ANKFN1: variants seen among roughly 807,000 people sequenced by gnomAD.
The protein encoded by ANKFN1 is ankyrin repeat and fibronectin type III domain containing 1, also known as ankyrin repeat and fibronectin type-III domain-containing protein 1.
Under a neutral mutation model 108.7 loss-of-function variants are expected in ANKFN1, and 74 were observed. That is an observed-to-expected ratio of 0.68 (90% confidence interval 0.56 to 0.83). The LOEUF is 0.83. Among genes scored for constraint, ANKFN1 ranks in the 40% least tolerant of loss-of-function variants. The pLI is 0.00. For synonymous variants in ANKFN1, 547 were observed against 516.2 expected (o/e 1.06, Z -0.81); for missense variants, 1,505 against 1,382.3 (o/e 1.09, Z -1.41).
At chr17:56,114,943 C>T (rs1906174115) in intron 4 of ANKFN1, among the ~76,000 whole-genome samples, 1 of 152,222 alleles carries the variant, frequency 6.6e-6, no homozygotes, top group South Asian at 2.1e-4. Flanking sequence ...AGAGTATGCA[C>T]AGCCCCCGGA....
intron 2 of ANKFN1, among the ~76,000 whole-genome samples, chr17:56,223,622 G>T (rs1916044451): frequency 6.6e-6 from 1 of 152,076 alleles, no homozygotes; most frequent in Non-Finnish European, 1.5e-5. Context: ...AAAAGCAACT[G>T]TGAGAAAAAT....
chr17:56,345,987 G>A (rs185799881), intron 4 of ANKFN1, among the ~76,000 whole-genome samples: 70 of 152,212 alleles, frequency 4.6e-4, no homozygotes, highest in Middle Eastern at 3.4e-3. Context: ...GAATGGTATT[G>A]CCTAGGTTTT....
Position 56,157,139 on chromosome 17 carries a change from G to C in ANKFN1, c.-71+3609G>C, listed in dbSNP as rs147237237. Among the ~76,000 whole-genome samples, 258 of 152,260 alleles carry C rather than the reference G, an allele frequency of 1.7e-3. 6 individuals carry two copies. In the East Asian group the frequency reaches 0.041, roughly 24 times the overall value. On this transcript the variant is annotated intron_variant, in intron 1 of 20. Coordinates refer to ENST00000682825, the MANE Select transcript of ANKFN1 (RefSeq NM_001370326.1). Reference sequence around the variant, plus strand: ...TGCAGTGAGAGATCTCAGGCCACTGGGAGCCAGCAGAAACACACTGGTCAC... The same window carrying C: ...TGCAGTGAGAGATCTCAGGCCACTGCGAGCCAGCAGAAACACACTGGTCAC...
At chr17:56,179,245 G>A (rs1911454034) in intron 1 of ANKFN1, among the ~76,000 whole-genome samples, 1 of 152,212 alleles carries the variant, frequency 6.6e-6, no homozygotes, top group Non-Finnish European at 1.5e-5. Flanking sequence ...GCTTAGGAAA[G>A]GAGAAGACAA....
chr17:56,466,606 TA>T (rs1238940692), intron 15 of ANKFN1, 35 bp downstream of exon 15: 1 of 1,540,982 alleles, frequency 6.5e-7, no homozygotes, highest in South Asian at 1.2e-5. Flanking sequence ...CGGGTATACT[TA>T]AGGTTCCAAA....
chr17:56,321,232 G>A (rs2144507677), intron 3 of ANKFN1, among the ~76,000 whole-genome samples: 1 of 152,122 alleles, frequency 6.6e-6, no homozygotes, highest in Admixed American at 6.5e-5. Context: ...ACCCTGGGGT[G>A]TTAGTTTTCT....
At chr17:56,234,393 G>A (rs1317599562) in intron 3 of ANKFN1, among the ~76,000 whole-genome samples, 3 of 151,540 alleles carry the variant, frequency 2.0e-5, no homozygotes, top group Non-Finnish European at 4.4e-5. Flanking sequence ...GTGCAGGTTT[G>A]TTATATAGGT....
At chr17:56,344,059 T>C (rs1220162017) in intron 4 of ANKFN1, among the ~76,000 whole-genome samples, 3 of 152,010 alleles carry the variant, frequency 2.0e-5, no homozygotes, top group Admixed American at 2.0e-4. Flanking sequence ...GTAAGCCCAA[T>C]ATTTGGGCTT....
At position 56,442,947 on chromosome 17, in the gene ANKFN1, G is replaced by A. The variant is rs767646326; in HGVS notation, c.1099+14G>A. 6.2e-7 allele frequency: 1 copy of A among 1,612,480 alleles called. No individual in the cohort carries two copies. Among genetic ancestry groups the A allele is most frequent in the South Asian group, 1.1e-5 (1 of 90,950 alleles). ...CCTCTCCTTCTAGTAGGTGGTGGCTGTGAACTCTCTCCAGCATGGTAACAG... is the reference window on the plus strand; with the variant it reads ...CCTCTCCTTCTAGTAGGTGGTGGCTATGAACTCTCTCCAGCATGGTAACAG... On this transcript the variant is annotated intron_variant, in intron 10 of 20. Coordinates refer to ENST00000682825, the MANE Select transcript of ANKFN1 (RefSeq NM_001370326.1).
chr17:56,088,978 C>A (rs1486784258), intron 4 of ANKFN1, among the ~76,000 whole-genome samples: 1 of 151,172 alleles, frequency 6.6e-6, no homozygotes, highest in African/African-American at 2.4e-5. Flanking sequence ...TTGCTAGTGG[C>A]TCTCCTTAGA....
chr17:56,139,388 C>T (rs1268804424), intron 4 of ANKFN1, among the ~76,000 whole-genome samples: 1 of 152,172 alleles, frequency 6.6e-6, no homozygotes, highest in African/African-American at 2.4e-5. Context: ...AGTGGATTCA[C>T]ACCTGGTTGA....
chr17:56,398,120 T>C (rs768625775), intron 8 of ANKFN1, among the ~76,000 whole-genome samples: 2 of 152,182 alleles, frequency 1.3e-5, no homozygotes, highest in Non-Finnish European at 2.9e-5. Flanking sequence ...ATATATTAAT[T>C]ACTTAATATC....
chr17:56,443,022 C>A, intron 10 of ANKFN1, 89 bp downstream of exon 10: 5 of 1,289,258 alleles, frequency 3.9e-6, no homozygotes, highest in Admixed American at 1.8e-5. Flanking sequence ...TCCCTTCCCC[C>A]ACTGCTTGCA....
At chr17:56,218,465 A>G (rs1035641427) in intron 2 of ANKFN1, among the ~76,000 whole-genome samples, 1 of 151,812 alleles carries the variant, frequency 6.6e-6, no homozygotes, top group African/African-American at 2.4e-5. Context: ...TCTCTGTCCC[A>G]TCTCTTTTCA....
At chr17:56,467,783 G>GAAAGAAAGAAAGAAAGAAAGAGAA (rs2050145430) in intron 15 of ANKFN1, among the ~76,000 whole-genome samples, 2 of 22,866 alleles carry the variant, frequency 8.7e-5, no homozygotes, top group African/African-American at 1.6e-4. Flanking sequence ...AAGAAAGAAA[G>GAAAGAAAGAAAGAAAGAAAGAGAA]AAAGAAAGAA....
chr17:56,385,668 A>G (rs2144842782), intron 8 of ANKFN1, among the ~76,000 whole-genome samples: 1 of 152,322 alleles, frequency 6.6e-6, no homozygotes, highest in Non-Finnish European at 1.5e-5. Context: ...AAGGACATGA[A>G]CAGACACTTC....
chr17:56,240,889 A>T (rs1487982657), intron 3 of ANKFN1, among the ~76,000 whole-genome samples: 1 of 152,008 alleles, frequency 6.6e-6, no homozygotes, highest in African/African-American at 2.4e-5. Flanking sequence ...GGTTTTGTAT[A>T]AGTGAATTAT....
chr17:56,103,052 T>C (rs1429710269), intron 4 of ANKFN1, among the ~76,000 whole-genome samples: 1 of 152,176 alleles, frequency 6.6e-6, no homozygotes, highest in Non-Finnish European at 1.5e-5. Flanking sequence ...CAGCGGGACA[T>C]TTAATAGGGC....
In ANKFN1 at chr17:56,513,780, G is replaced by A. The variant is rs1472382912; in HGVS notation, c.*2511G>A. 1.3e-5 allele frequency among the ~76,000 whole-genome samples: 2 copies of A among 152,192 alleles called. No homozygotes were observed. The highest frequency in any genetic ancestry group is 2.9e-5 in the Non-Finnish European group (2 of 68,034). On this transcript the variant is annotated 3_prime_UTR_variant, in exon 21 of 21. Coordinates refer to ENST00000682825, the MANE Select transcript of ANKFN1 (RefSeq NM_001370326.1). Reference sequence around the variant, plus strand: ...AAGGCATGCCCACAAAAAGAATAATGCATGTTACATTTTAATGGGCATAGT... The same window carrying A: ...AAGGCATGCCCACAAAAAGAATAATACATGTTACATTTTAATGGGCATAGT...
Sources: allele counts gnomAD v4.1 joint callset (sites outside exome capture counted in the v4.1 genomes callset), GRCh38; gene constraint gnomAD v4.1.1; transcripts MANE v1.5; gene names NCBI Gene and HGNC (gene_info 2026-07-23, HGNC 2026-07-21).